TMEM178A: variants seen among roughly 807,000 people sequenced by gnomAD.
The protein encoded by TMEM178A is transmembrane protein 178.
Under a neutral mutation model 29.1 loss-of-function variants are expected in TMEM178A, and 12 were observed. That is an observed-to-expected ratio of 0.41 (90% CI 0.26 to 0.67). The LOEUF is 0.67. Ranked by LOEUF, TMEM178A falls within the 30% of genes least tolerant of loss-of-function variation. TMEM178A has a pLI of 0.29. For missense variants in TMEM178A, 366 were observed against 419.1 expected, an observed-to-expected ratio of 0.87 and a Z score of 1.11; for synonymous variants, 210 against 187.2, an observed-to-expected ratio of 1.12 and a Z score of -0.99.
intron 1 of TMEM178A, among the ~76,000 whole-genome samples, chr2:39,691,077 T>C (rs139861702): frequency 3.0e-4 from 46 of 152,244 alleles, no homozygotes; most frequent in African/African-American, 9.4e-4. Flanking sequence ...GAAGAATGTA[T>C]CTGTGACATA....
intron 1 of TMEM178A, among the ~76,000 whole-genome samples, chr2:39,686,009 G>A (rs982884466): frequency 6.6e-6 from 1 of 152,232 alleles, no homozygotes; most frequent in African/African-American, 2.4e-5. Context: ...CGCTGAAGCC[G>A]ATTTCACCCC....
chr2:39,672,022 T>G (rs1670427946), intron 1 of TMEM178A, among the ~76,000 whole-genome samples: 1 of 152,232 alleles, frequency 6.6e-6, no homozygotes, highest in African/African-American at 2.4e-5. Flanking sequence ...AACTGCTAGC[T>G]CATACTACAC....
intron 1 of TMEM178A, among the ~76,000 whole-genome samples, chr2:39,694,014 T>A (rs1335700848): frequency 6.6e-6 from 1 of 150,780 alleles, no homozygotes; most frequent in Non-Finnish European, 1.5e-5. Flanking sequence ...ATCTCTGAAA[T>A]GGGTTGAATC....
chr2:39,670,193 G>T (rs1439579582), intron 1 of TMEM178A, among the ~76,000 whole-genome samples: 1 of 152,214 alleles, frequency 6.6e-6, no homozygotes, highest in African/African-American at 2.4e-5. Context: ...GGGGGGCGGG[G>T]TCTGAAAGAA....
intron 1 of TMEM178A, among the ~76,000 whole-genome samples, chr2:39,689,701 A>C (rs1671231030): frequency 6.6e-6 from 1 of 152,210 alleles, no homozygotes; most frequent in African/African-American, 2.4e-5. Flanking sequence ...TGTACACTTA[A>C]AAGTGGTTAA....
At chr2:39,665,740 G>T, upstream of TMEM178A, 2 of 379,634 alleles carry the variant, frequency 5.3e-6, no homozygotes, top group Non-Finnish European at 4.6e-6. Flanking sequence ...GAGCGGCGCG[G>T]GGGAGGGCTA....
intron 1 of TMEM178A, among the ~76,000 whole-genome samples, chr2:39,668,873 C>T (rs1316597695): frequency 6.6e-6 from 1 of 152,042 alleles, no homozygotes; most frequent in Non-Finnish European, 1.5e-5. Context: ...AAAATGTCAC[C>T]AACATTTTCC....
rs781756761 is a variant in TMEM178A, at chr2:39,707,030, G to A, written c.515-19G>A. The A allele has an allele frequency of 9.4e-6, 15 of 1,590,308 alleles. No individual in the cohort carries two copies. The South Asian group carries it at 1.6e-4, about 17-fold the overall frequency. On this transcript the variant is annotated intron_variant, in intron 2 of 3. Transcript: ENST00000281961. ...TCCTGAATTCTGATTGTGAATGTCT[G>A]TGTCTGTTTTGAGATTAGATTTAAG...
At chr2:39,723,570 TC>T in the TMEM178A span, among the ~76,000 whole-genome samples, 1 of 152,182 alleles carries the variant, frequency 6.6e-6, no homozygotes, top group Admixed American at 6.5e-5. Flanking sequence ...CAAAAGCTTC[TC>T]CAGTGCTGTT....
the TMEM178A span, among the ~76,000 whole-genome samples, chr2:39,723,179 C>G: frequency 2.7e-4 from 41 of 152,318 alleles, no homozygotes; most frequent in African/African-American, 9.4e-4. Context: ...TAAATACTTG[C>G]TTTAGAAACC....
At chr2:39,689,828 C>T (rs1356658985) in intron 1 of TMEM178A, among the ~76,000 whole-genome samples, 1 of 152,102 alleles carries the variant, frequency 6.6e-6, no homozygotes, top group Non-Finnish European at 1.5e-5. Context: ...CTCAGGAGTC[C>T]AGTGGAGAGA....
rs928650065 is a variant in TMEM178A, at chr2:39,717,459, C to T, written c.*208C>T. 17 of 583,174 alleles carry T rather than the reference C, an allele frequency of 2.9e-5. No homozygotes were observed. Among genetic ancestry groups the T allele is most frequent in the East Asian group, 9.4e-5 (3 of 31,976 alleles). The allele number at this position is 583,174 out of a possible 1,614,324, so 36.1% of individuals were successfully genotyped here. A position where few individuals can be genotyped will look rare whatever the true frequency, so the allele number is the denominator to read the frequency against. ...TCAAGTGCTTTAATGACTATTTATGCGTTGACTGTGAGAATAGGGAGCAGT... is the reference window on the plus strand; with the variant it reads ...TCAAGTGCTTTAATGACTATTTATGTGTTGACTGTGAGAATAGGGAGCAGT... On this transcript the variant is annotated 3_prime_UTR_variant, in exon 4 of 4. Transcript: ENST00000281961.
chr2:39,695,171 G>A lies in TMEM178A; in HGVS notation c.401-8910G>A, dbSNP rs146643342. On this transcript the variant is annotated intron_variant, in intron 1 of 3. Coordinates refer to ENST00000281961, the MANE Select transcript of TMEM178A (RefSeq NM_152390.3). ...TTGATTTTTCTTTTCAAACTGAGAC[G>A]TGTGCTGGGGAAATAATTCTTTATT... Among the ~76,000 whole-genome samples, 668 of 152,262 alleles carry A rather than the reference G, an allele frequency of 4.4e-3. 4 individuals are homozygous for A. Among genetic ancestry groups the A allele is most frequent in the Non-Finnish European group, 6.9e-3 (469 of 68,024 alleles).
At chr2:39,684,457 C>T (rs947104404) in intron 1 of TMEM178A, among the ~76,000 whole-genome samples, 7 of 152,296 alleles carry the variant, frequency 4.6e-5, no homozygotes, top group Admixed American at 3.9e-4. Flanking sequence ...ATTTGAGATA[C>T]TGTGAAATAT....
intron 3 of TMEM178A, among the ~76,000 whole-genome samples, chr2:39,716,599 T>C (rs1233507945): frequency 6.6e-6 from 1 of 152,210 alleles, no homozygotes; most frequent in Non-Finnish European, 1.5e-5. Context: ...ACAGAATAAC[T>C]GTATGAAATT....
At chr2:39,675,646 A>G (rs1670585530) in intron 1 of TMEM178A, among the ~76,000 whole-genome samples, 1 of 152,174 alleles carries the variant, frequency 6.6e-6, no homozygotes, top group Non-Finnish European at 1.5e-5. Context: ...GTTTTTATTT[A>G]TAAGTTATCA....
At chr2:39,709,793 G>A (rs2148112335) in intron 3 of TMEM178A, among the ~76,000 whole-genome samples, 1 of 152,332 alleles carries the variant, frequency 6.6e-6, no homozygotes, top group East Asian at 1.9e-4. Context: ...AATGGGGGAT[G>A]CTCTGGAGTG....
At chr2:39,734,736 A>G in the TMEM178A span, among the ~76,000 whole-genome samples, 1 of 152,178 alleles carries the variant, frequency 6.6e-6, no homozygotes, top group African/African-American at 2.4e-5. Flanking sequence ...AATTTCTGAT[A>G]TTTCTCACCA....
the TMEM178A span, among the ~76,000 whole-genome samples, chr2:39,731,564 C>T: frequency 1.3e-5 from 2 of 152,184 alleles, no homozygotes; most frequent in Admixed American, 1.3e-4. Context: ...TGAGAATGAA[C>T]TAGCTCCCTC....
Sources: allele counts gnomAD v4.1 joint callset (sites outside exome capture counted in the v4.1 genomes callset), GRCh38; gene constraint gnomAD v4.1.1; transcripts MANE v1.5; gene names NCBI Gene and HGNC (gene_info 2026-07-23, HGNC 2026-07-21).